The following CDH12 variants were observed in gnomAD, a reference collection of about 807,000 sequenced individuals.
CDH12 encodes cadherin 12, also known as cadherin-12.
CDH12 carries 41 observed loss-of-function variants against 74.1 expected under a neutral mutation model. That is an observed-to-expected ratio of 0.55 (90% CI 0.43 to 0.72). The LOEUF is 0.72. Ranked by LOEUF, CDH12 falls within the 30% of genes least tolerant of loss-of-function variation. The pLI, the probability that CDH12 is intolerant of heterozygous loss-of-function variation, is 0.00. For missense variants in CDH12, 945 were observed against 977.2 expected, an observed-to-expected ratio of 0.97 and a Z score of 0.44; for synonymous variants, 399 against 355.0, an observed-to-expected ratio of 1.12 and a Z score of -1.39.
intron 1 of CDH12, among the ~76,000 whole-genome samples, chr5:22,782,589 A>G (rs994127662): frequency 6.6e-6 from 1 of 152,178 alleles, no homozygotes; most frequent in Non-Finnish European, 1.5e-5. Flanking sequence ...ATATCTTTAC[A>G]GAAGTGTGAA....
chr5:22,341,132 A>G (rs1312771192), intron 3 of CDH12, among the ~76,000 whole-genome samples: 5 of 152,186 alleles, frequency 3.3e-5, no homozygotes, highest in African/African-American at 7.2e-5. Context: ...GAACTGCTTA[A>G]TTTCTCAATT....
At chr5:22,202,200 T>TTCCTTCCTTCCTTCCC (rs1750967877) in intron 4 of CDH12, among the ~76,000 whole-genome samples, 1 of 141,620 alleles carries the variant, frequency 7.1e-6, no homozygotes, top group African/African-American at 2.6e-5. Flanking sequence ...CCTTCCTTCC[T>TTCCTTCCTTCCTTCCC]TCTTTCAACA....
intron 3 of CDH12, among the ~76,000 whole-genome samples, chr5:22,300,395 G>A (rs1737829030): frequency 6.6e-6 from 1 of 151,034 alleles, no homozygotes; most frequent in Non-Finnish European, 1.5e-5. Flanking sequence ...GCCCAGGAAA[G>A]CGGATGTTTC....
intron 2 of CDH12, among the ~76,000 whole-genome samples, chr5:22,414,560 G>T (rs1346910001): frequency 1.3e-5 from 2 of 151,780 alleles, no homozygotes; most frequent in Non-Finnish European, 2.9e-5. Flanking sequence ...GAAATGTAAG[G>T]TTCTCATAGA....
intron 3 of CDH12, among the ~76,000 whole-genome samples, chr5:22,304,381 T>C (rs1738017799): frequency 6.6e-6 from 1 of 152,158 alleles, no homozygotes; most frequent in Non-Finnish European, 1.5e-5. Flanking sequence ...GGCTTTCTCA[T>C]TTGGTTATTA....
chr5:22,367,121 GT>G (rs894744500), intron 3 of CDH12, among the ~76,000 whole-genome samples: 18 of 151,948 alleles, frequency 1.2e-4, no homozygotes, highest in Middle Eastern at 3.4e-3. Flanking sequence ...GTATTTTTGT[GT>G]TTTTTTTAAT....
In CDH12 at chr5:21,832,919, AATATATATCATATAT is replaced by A. The variant is rs1561224098; in HGVS notation, c.814+9227_814+9241del. Among the ~76,000 whole-genome samples, 600 of 65,628 alleles carry A rather than the reference AATATATATCATATAT, an allele frequency of 9.1e-3. 6 individuals carry two copies. Among genetic ancestry groups the A allele is most frequent in the African/African-American group, 0.057 (517 of 9,018 alleles). The allele number at this position is 65,628 out of a possible 152,430, so 43.1% of individuals were successfully genotyped here. A position where few individuals can be genotyped will look rare whatever the true frequency, so the allele number is the denominator to read the frequency against. On this transcript the variant is annotated intron_variant, in intron 8 of 14. Coordinates refer to ENST00000382254, the MANE Select transcript of CDH12 (RefSeq NM_004061.5). ...ATCATATAATATATGATATAATATTAATATATATCATATATTATATATAATATCATATTATGTAAT... is the reference window on the plus strand; with the variant it reads ...ATCATATAATATATGATATAATATTATATATATAATATCATATTATGTAAT...
intron 6 of CDH12, among the ~76,000 whole-genome samples, chr5:21,908,449 A>G (rs1291804459): frequency 1.3e-5 from 2 of 152,158 alleles, no homozygotes; most frequent in Non-Finnish European, 2.9e-5. Flanking sequence ...GCTGCCCTGC[A>G]TGGGTTGGGC....
intron 3 of CDH12, among the ~76,000 whole-genome samples, chr5:22,264,357 C>T (rs1222320197): frequency 2.6e-5 from 4 of 152,032 alleles, no homozygotes; most frequent in African/African-American, 9.7e-5. Flanking sequence ...TAAAGTTAAA[C>T]ATTTTTTAAA....
chr5:22,529,973 A>T (rs932849663), intron 1 of CDH12, among the ~76,000 whole-genome samples: 2 of 152,188 alleles, frequency 1.3e-5, no homozygotes, highest in African/African-American at 4.8e-5. Context: ...ATACCTCAAC[A>T]GCAAAACAGA....
At chr5:22,615,218 T>C (rs762057302) in intron 1 of CDH12, among the ~76,000 whole-genome samples, 7 of 152,094 alleles carry the variant, frequency 4.6e-5, no homozygotes, top group Admixed American at 6.6e-5. Context: ...GGGCTTCTTA[T>C]TGCTTTTCTT....
chr5:22,102,572 G>C (rs1744195839), intron 4 of CDH12, among the ~76,000 whole-genome samples: 1 of 152,102 alleles, frequency 6.6e-6, no homozygotes. Context: ...GGGAGGCTGA[G>C]GCAGGAGAAT....
intron 1 of CDH12, among the ~76,000 whole-genome samples, chr5:22,843,383 A>G (rs959104643): frequency 2.0e-5 from 3 of 152,090 alleles, no homozygotes; most frequent in Non-Finnish European, 4.4e-5. Context: ...AACACAGAAG[A>G]ATTCACTATT....
rs374932496 is a variant in CDH12, at chr5:21,878,846, GGA to G, written c.527-24058_527-24057del. On this transcript the variant is annotated intron_variant, in intron 6 of 14. Transcript: ENST00000382254. ...AGAAAAGAAAAGAAAAGAAAGAGAG[GGA>G]GAGAGAGAGAAAGAAAGAAAGAGAG... 2.3e-3 allele frequency among the ~76,000 whole-genome samples: 304 copies of G among 131,260 alleles called. 1 individual carries two copies. The highest frequency in any genetic ancestry group is 7.8e-3 in the African/African-American group (272 of 35,038). The allele number at this position is 131,260 out of a possible 152,430, so 86.1% of individuals were successfully genotyped here. A position where few individuals can be genotyped will look rare whatever the true frequency, so the allele number is the denominator to read the frequency against.
At chr5:22,097,556 C>T (rs559524378) in intron 4 of CDH12, among the ~76,000 whole-genome samples, 13 of 152,152 alleles carry the variant, frequency 8.5e-5, no homozygotes, top group African/African-American at 1.2e-4. Context: ...CTCTTTTAAG[C>T]GCTCCTTTTT....
At chr5:22,498,994 C>T (rs1286644963) in intron 2 of CDH12, among the ~76,000 whole-genome samples, 4 of 149,640 alleles carry the variant, frequency 2.7e-5, no homozygotes, top group Admixed American at 2.0e-4. Flanking sequence ...ACCTCTGTCT[C>T]CCCCGTTCAA....
At chr5:22,791,581 T>A (rs569681029) in intron 1 of CDH12, among the ~76,000 whole-genome samples, 1 of 152,230 alleles carries the variant, frequency 6.6e-6, no homozygotes, top group Admixed American at 6.5e-5. Context: ...CCATAGTAAC[T>A]GTATTAGTCT....
At chr5:21,863,998 A>T (rs1321389604) in intron 6 of CDH12, among the ~76,000 whole-genome samples, 1 of 152,216 alleles carries the variant, frequency 6.6e-6, no homozygotes, top group Non-Finnish European at 1.5e-5. Flanking sequence ...AATTATAAAT[A>T]TACTAAAGTT....
At chr5:21,789,589 C>T (rs1175773219) in intron 10 of CDH12, among the ~76,000 whole-genome samples, 2 of 152,074 alleles carry the variant, frequency 1.3e-5, no homozygotes, top group African/African-American at 4.8e-5. Context: ...CATCCTGCTG[C>T]CATTCATTAA....
Sources: allele counts gnomAD v4.1 joint callset (sites outside exome capture counted in the v4.1 genomes callset), GRCh38; gene constraint gnomAD v4.1.1; transcripts MANE v1.5; gene names NCBI Gene and HGNC (gene_info 2026-07-23, HGNC 2026-07-21).